RANBP2: variants seen among roughly 807,000 people sequenced by gnomAD.
RANBP2 encodes E3 SUMO-protein ligase RanBP2.
RANBP2 carries 57 observed loss-of-function variants against 303.6 expected under a neutral mutation model. That is an observed-to-expected ratio of 0.19 (90% CI 0.15 to 0.23). The LOEUF (loss-of-function observed/expected upper bound fraction) is 0.23, where lower values mean the gene tolerates loss of function less well. Among genes scored for constraint, RANBP2 ranks in the 10% least tolerant of loss-of-function variants. The pLI is 1.00. For missense variants in RANBP2, 3,138 were observed against 3,780.8 expected (o/e 0.83, Z 4.46); for synonymous variants, 1,167 against 1,301.5 (o/e 0.90, Z 2.23).
At chr2:108,833,123 G>A in the RANBP2 span, among the ~76,000 whole-genome samples, 1 of 152,204 alleles carries the variant, frequency 6.6e-6, no homozygotes, top group Non-Finnish European at 1.5e-5. Context: ...AAGAGGAGCA[G>A]AGCACAGGCA....
chr2:109,541,038 A>T, the RANBP2 span, among the ~76,000 whole-genome samples: 1 of 152,322 alleles, frequency 6.6e-6, no homozygotes, highest in East Asian at 1.9e-4. Context: ...TGGTTGTCAT[A>T]CCTGTGCTAT....
the RANBP2 span, among the ~76,000 whole-genome samples, chr2:109,259,074 T>C: frequency 6.6e-6 from 1 of 152,256 alleles, no homozygotes; most frequent in Non-Finnish European, 1.5e-5. Context: ...AGTTTCCATT[T>C]GGCTTCATCA....
the RANBP2 span, among the ~76,000 whole-genome samples, chr2:109,392,476 C>T: frequency 1.3e-5 from 2 of 151,850 alleles, no homozygotes; most frequent in African/African-American, 2.4e-5. Flanking sequence ...AAGGTAAAGT[C>T]GGCTTGGCCA....
At chr2:109,512,274 C>A in the RANBP2 span, among the ~76,000 whole-genome samples, 21 of 152,194 alleles carry the variant, frequency 1.4e-4, no homozygotes, top group Admixed American at 1.4e-3. Context: ...CCCCATGTGT[C>A]CCGGCCCTCC....
chr2:108,976,614 T>C, the RANBP2 span, among the ~76,000 whole-genome samples: 1 of 152,210 alleles, frequency 6.6e-6, no homozygotes, highest in Non-Finnish European at 1.5e-5. Flanking sequence ...CTGCCTCTTC[T>C]CTGTTATGTA....
At chr2:109,157,735 A>G in the RANBP2 span, among the ~76,000 whole-genome samples, 1 of 152,180 alleles carries the variant, frequency 6.6e-6, no homozygotes, top group Non-Finnish European at 1.5e-5. Flanking sequence ...CTGAGATGCC[A>G]TACAAATTTC....
the RANBP2 span, among the ~76,000 whole-genome samples, chr2:109,610,462 C>G: frequency 6.6e-6 from 1 of 152,130 alleles, no homozygotes; most frequent in South Asian, 2.1e-4. Flanking sequence ...CGCCTGTAAT[C>G]CCAACACTTC....
At chr2:109,021,501 C>G in the RANBP2 span, among the ~76,000 whole-genome samples, 1 of 133,522 alleles carries the variant, frequency 7.5e-6, no homozygotes, top group East Asian at 2.2e-4. Context: ...CCAGCCTGGG[C>G]GACAGAGAGA....
At chr2:109,119,017 T>G in the RANBP2 span, among the ~76,000 whole-genome samples, 1 of 152,184 alleles carries the variant, frequency 6.6e-6, no homozygotes, top group South Asian at 2.1e-4. Flanking sequence ...TATAACGGAC[T>G]TGCCTTTGCA....
At chr2:109,427,997 T>C in the RANBP2 span, among the ~76,000 whole-genome samples, 179 of 152,352 alleles carry the variant, frequency 1.2e-3, no homozygotes, top group African/African-American at 4.2e-3. Flanking sequence ...CTGAGCCTGC[T>C]TCAGCCCTTC....
the RANBP2 span, among the ~76,000 whole-genome samples, chr2:109,049,562 G>C: frequency 2.6e-5 from 4 of 152,208 alleles, no homozygotes; most frequent in Non-Finnish European, 5.9e-5. Context: ...GCTTATTTCA[G>C]AGGATGCTTC....
the RANBP2 span, among the ~76,000 whole-genome samples, chr2:108,871,994 C>G: frequency 6.6e-6 from 1 of 151,904 alleles, no homozygotes; most frequent in Non-Finnish European, 1.5e-5. Flanking sequence ...CTTTTAATTC[C>G]CCTCTCTCAC....
chr2:109,644,089 C>A, the RANBP2 span, among the ~76,000 whole-genome samples: 111 of 151,764 alleles, frequency 7.3e-4, 1 homozygote, highest in Middle Eastern at 3.4e-3. Flanking sequence ...CCACTGCACT[C>A]CAGCCTGGGC....
the RANBP2 span, among the ~76,000 whole-genome samples, chr2:109,312,396 G>A: frequency 6.6e-6 from 1 of 152,140 alleles, no homozygotes; most frequent in African/African-American, 2.4e-5. Flanking sequence ...TCATTATAAA[G>A]TGTGCCAGTG....
the RANBP2 span, among the ~76,000 whole-genome samples, chr2:109,429,692 A>G: frequency 1.3e-5 from 2 of 152,084 alleles, no homozygotes; most frequent in East Asian, 1.9e-4. Context: ...CCCTGGCCCT[A>G]CCCCTGAACA....
the RANBP2 span, among the ~76,000 whole-genome samples, chr2:108,906,115 C>G: frequency 6.6e-6 from 1 of 152,224 alleles, no homozygotes; most frequent in African/African-American, 2.4e-5. Flanking sequence ...CTGGGAGATG[C>G]CTTCCGATAT....
the RANBP2 span, among the ~76,000 whole-genome samples, chr2:109,097,071 C>T: frequency 3.9e-5 from 6 of 152,056 alleles, no homozygotes; most frequent in Admixed American, 6.5e-5. Flanking sequence ...TTTCAGAGGC[C>T]GAGGTGGGCG....
At chr2:109,485,694 T>G in the RANBP2 span, among the ~76,000 whole-genome samples, 8 of 152,284 alleles carry the variant, frequency 5.3e-5, no homozygotes, top group African/African-American at 1.4e-4. Context: ...ACCACTTGAT[T>G]TCAGGCTTCA....
At chr2:108,877,423 G>T in the RANBP2 span, among the ~76,000 whole-genome samples, 17 of 152,082 alleles carry the variant, frequency 1.1e-4, no homozygotes, top group Non-Finnish European at 2.5e-4. Flanking sequence ...CCAAGATCAC[G>T]CCATTGCACT....
Sources: gnomAD v4.1 joint callset for allele counts (sites outside exome capture counted in the v4.1 genomes callset) on GRCh38, gnomAD v4.1.1 for gene constraint, MANE v1.5 for transcripts, NCBI Gene and HGNC (gene_info 2026-07-23, HGNC 2026-07-21) for gene names.